The following CMIP variants were observed in gnomAD, a reference collection of about 807,000 sequenced individuals.
The protein encoded by CMIP is c-Maf inducing protein, also known as C-Maf-inducing protein.
In CMIP, 13 loss-of-function variants were observed where a neutral mutation model predicts 97.3. That is an observed-to-expected ratio of 0.13 (90% CI 0.09 to 0.21). The LOEUF is 0.21. Among genes scored for constraint, CMIP ranks in the 10% least tolerant of loss-of-function variants. CMIP has a pLI of 1.00. For missense variants in CMIP, 847 were observed against 1,024.9 expected (o/e 0.83, Z 2.37); for synonymous variants, 538 against 436.3 (o/e 1.23, Z -2.91).
chr16:81,634,598 G>C (rs908254313), intron 3 of CMIP, among the ~76,000 whole-genome samples: 2 of 152,176 alleles, frequency 1.3e-5, no homozygotes, highest in Non-Finnish European at 2.9e-5. Context: ...TCTGCCGCAC[G>C]AGTGTCTGAG....
intron 1 of CMIP, among the ~76,000 whole-genome samples, chr16:81,511,285 T>C (rs1023026361): frequency 3.3e-5 from 5 of 152,240 alleles, no homozygotes; most frequent in South Asian, 2.1e-4. Context: ...TCCTCATGCC[T>C]AAGAAACTAA....
At chr16:81,529,463 T>C (rs533792619) in intron 1 of CMIP, among the ~76,000 whole-genome samples, 1 of 152,288 alleles carries the variant, frequency 6.6e-6, no homozygotes, top group Non-Finnish European at 1.5e-5. Context: ...GGAGATGGGC[T>C]GTGAAACTGT....
chr16:81,481,365 G>A (rs1175736077), intron 1 of CMIP, among the ~76,000 whole-genome samples: 1 of 152,082 alleles, frequency 6.6e-6, no homozygotes, highest in Admixed American at 6.5e-5. Context: ...GCGACTGTGT[G>A]TAACAGATGA....
intron 1 of CMIP, among the ~76,000 whole-genome samples, chr16:81,500,610 T>C (rs920010281): frequency 6.6e-5 from 10 of 151,626 alleles, no homozygotes; most frequent in African/African-American, 2.4e-4. Context: ...TGCCTCAGCC[T>C]CCTGAGTAGC....
At position 81,710,877 on chromosome 16, in the gene CMIP, G is replaced by T. The variant is rs1908691679; in HGVS notation, c.*1078G>T. On this transcript the variant is annotated 3_prime_UTR_variant, in exon 21 of 21. Transcript: ENST00000537098. ...TCCCTGTCAGCCTTTGCTGTCCCCT[G>T]TCCCCAACGGAGACTCTGTCACCCC... 6.6e-6 allele frequency: 1 copy of T among 151,878 alleles called. No homozygotes were observed. Among genetic ancestry groups the T allele is most frequent in the Non-Finnish European group, 1.5e-5 (1 of 68,016 alleles). 9.4% of individuals were successfully genotyped at this position (151,878 alleles called of 1,614,324 possible). A position where few individuals can be genotyped will look rare whatever the true frequency, so the allele number is the denominator to read the frequency against.
At chr16:81,604,326 G>T (rs1027399247) in intron 1 of CMIP, among the ~76,000 whole-genome samples, 2 of 151,068 alleles carry the variant, frequency 1.3e-5, no homozygotes, top group African/African-American at 4.9e-5. Flanking sequence ...AACCCGAGTG[G>T]CGGAAGTTGC....
intron 1 of CMIP, among the ~76,000 whole-genome samples, chr16:81,532,299 G>A (rs534237433): frequency 2.5e-4 from 38 of 152,372 alleles, no homozygotes; most frequent in Non-Finnish European, 4.7e-4. Flanking sequence ...AGGTAGAAGT[G>A]TGTGTGCACC....
At chr16:81,471,686 A>G (rs1283063823) in intron 1 of CMIP, among the ~76,000 whole-genome samples, 3 of 152,100 alleles carry the variant, frequency 2.0e-5, no homozygotes, top group African/African-American at 4.8e-5. Context: ...CCCTACATAG[A>G]CTCTGTTTCA....
intron 3 of CMIP, among the ~76,000 whole-genome samples, chr16:81,626,391 TGTGTGTGGC>T (rs1481930286): frequency 1.3e-5 from 2 of 150,544 alleles, no homozygotes; most frequent in Admixed American, 1.3e-4. Flanking sequence ...ATTTTATGAG[TGTGTGTGGC>T]GTGTGGGGTG....
chr16:81,703,015 T>C (rs1907594348), intron 17 of CMIP, among the ~76,000 whole-genome samples: 1 of 152,290 alleles, frequency 6.6e-6, no homozygotes, highest in African/African-American at 2.4e-5. Context: ...CTTGGAAGCT[T>C]GTGTATCTTA....
intron 1 of CMIP, among the ~76,000 whole-genome samples, chr16:81,566,083 G>A (rs549453845): frequency 2.6e-5 from 4 of 152,214 alleles, no homozygotes; most frequent in African/African-American, 2.4e-5. Flanking sequence ...GTTGACTGTC[G>A]TGTGTTTGGA....
At chr16:81,628,827 C>A (rs1042405794) in intron 3 of CMIP, among the ~76,000 whole-genome samples, 18 of 152,208 alleles carry the variant, frequency 1.2e-4, no homozygotes, top group African/African-American at 3.9e-4. Context: ...CCCTAAGTCT[C>A]CCATCACCAC....
intron 10 of CMIP, among the ~76,000 whole-genome samples, chr16:81,680,145 C>T (rs1904723576): frequency 6.6e-6 from 1 of 152,192 alleles, no homozygotes; most frequent in African/African-American, 2.4e-5. Context: ...CCGGGGCCCT[C>T]AGCCTGCAGG....
chr16:81,510,152 C>A (rs761196083), intron 1 of CMIP, among the ~76,000 whole-genome samples: 4 of 152,190 alleles, frequency 2.6e-5, no homozygotes, highest in African/African-American at 7.2e-5. Context: ...ACAGTGACGT[C>A]AGCATCCTGC....
chr16:81,611,657 C>T (rs373532536), intron 2 of CMIP, among the ~76,000 whole-genome samples: 1 of 152,146 alleles, frequency 6.6e-6, no homozygotes, highest in Admixed American at 6.5e-5. Context: ...GGTCCTTCCT[C>T]CAGGCCTCTC....
intron 8 of CMIP, among the ~76,000 whole-genome samples, chr16:81,671,249 C>T (rs1214643894): frequency 1.3e-5 from 2 of 152,178 alleles, no homozygotes; most frequent in Non-Finnish European, 2.9e-5. Flanking sequence ...GTGACATGCC[C>T]TCATGCCAGA....
At chr16:81,661,527 A>G (rs1238869966) in intron 6 of CMIP, among the ~76,000 whole-genome samples, 1 of 152,010 alleles carries the variant, frequency 6.6e-6, no homozygotes, top group Admixed American at 6.6e-5. Flanking sequence ...GTCCTTGGAG[A>G]GACATGTTCT....
At chr16:81,570,849 T>TC (rs2150888490) in intron 1 of CMIP, among the ~76,000 whole-genome samples, 1 of 152,160 alleles carries the variant, frequency 6.6e-6, no homozygotes, top group East Asian at 1.9e-4. Flanking sequence ...TCCAGAGCCC[T>TC]CCTGTGTCCC....
rs117334387 is a variant in CMIP at position 81,544,658 on chromosome 16, A to G, written c.301-62909A>G. Among the ~76,000 whole-genome samples, 113 of 150,634 alleles carry G rather than the reference A, an allele frequency of 7.5e-4. 1 individual carries two copies. In the East Asian group the frequency reaches 0.013, roughly 18 times the overall value. On this transcript the variant is annotated intron_variant, in intron 1 of 20. Transcript: ENST00000537098. ...TGTGTGTGCCTGTGTGTGTGTGTGT[A>G]TGTTTGAATATGTGTGGTGTATGGG...
Sources: gnomAD v4.1 joint callset for allele counts (sites outside exome capture counted in the v4.1 genomes callset) on GRCh38, gnomAD v4.1.1 for gene constraint, MANE v1.5 for transcripts, NCBI Gene and HGNC (gene_info 2026-07-23, HGNC 2026-07-21) for gene names.